The following CDC42BPA variants were observed in gnomAD, a reference collection of about 807,000 sequenced individuals.
The protein encoded by CDC42BPA is serine/threonine-protein kinase MRCK alpha.
CDC42BPA carries 80 observed loss-of-function variants against 223.5 expected under a neutral mutation model. The ratio of observed to expected loss-of-function variants is 0.36; its 90% CI spans 0.30 to 0.43. The LOEUF (loss-of-function observed/expected upper bound fraction) is 0.43, where lower values mean the gene tolerates loss of function less well. Ranked by LOEUF, CDC42BPA falls within the 20% of genes least tolerant of loss-of-function variation. The pLI, the probability that CDC42BPA is intolerant of heterozygous loss-of-function variation, is 1.00. For synonymous variants in CDC42BPA, 694 were observed against 718.6 expected, an observed-to-expected ratio of 0.97 and a Z score of 0.55; for missense variants, 1,743 against 2,099.9, an observed-to-expected ratio of 0.83 and a Z score of 3.32.
intron 23 of CDC42BPA, among the ~76,000 whole-genome samples, 198 bp from the exon 24 acceptor site, chr1:227,040,434 ATAAT>A (rs1194239338): frequency 6.6e-6 from 1 of 152,176 alleles, no homozygotes; most frequent in African/African-American, 2.4e-5. Flanking sequence ...CTAAGCTAAA[ATAAT>A]TAAGAAGTTA....
At position 227,022,225 on chromosome 1, in the gene CDC42BPA, A is replaced by AG. The variant is rs1370747900; in HGVS notation, c.4615+1037dup. Among the ~76,000 whole-genome samples, 28 of 152,240 alleles carry AG rather than the reference A, an allele frequency of 1.8e-4. No individual in the cohort carries two copies. The South Asian group carries it at 5.6e-3, about 30-fold the overall frequency. ...GGCAGGTGGATCATTTGAGGTCAGG[A>AG]GTTCAAGACCAGCCTGGCCAACATG... is the stretch of plus-strand genomic sequence containing the variant. On this transcript the variant is annotated intron_variant, in intron 32 of 36. Transcript: ENST00000366766.
intron 34 of CDC42BPA, among the ~76,000 whole-genome samples, chr1:227,006,049 T>A (rs1037212882): frequency 2.6e-5 from 4 of 152,232 alleles, no homozygotes; most frequent in African/African-American, 9.6e-5. Context: ...ATATTCTTTA[T>A]AAATCCTGGA....
chr1:227,170,734 C>T (rs1195901748), intron 5 of CDC42BPA, among the ~76,000 whole-genome samples: 1 of 152,164 alleles, frequency 6.6e-6, no homozygotes, highest in Non-Finnish European at 1.5e-5. Context: ...ATTCAGGTGA[C>T]CACAGACGCT....
intron 23 of CDC42BPA, among the ~76,000 whole-genome samples, chr1:227,043,192 A>C (rs1248285350): frequency 1.3e-5 from 2 of 152,154 alleles, no homozygotes; most frequent in African/African-American, 4.8e-5. Flanking sequence ...AGGAGGGCGG[A>C]TCACGAGGTC....
Position 227,112,784 on chromosome 1 carries a change from T to C in CDC42BPA, c.1777A>G (p.Lys593Glu). The C allele has an allele frequency of 1.2e-6, 2 of 1,614,072 alleles. No individual in the cohort carries two copies. The highest frequency in any genetic ancestry group is 1.7e-6 in the Non-Finnish European group (2 of 1,179,994). Residue 593 changes from lysine to glutamate, a missense_variant, in exon 13 of 37, where the codon AAA becomes GAA. Lys to Glu is a moderately conservative substitution (Grantham distance 56). Coordinates refer to ENST00000366766, the MANE Select transcript of CDC42BPA (RefSeq NM_001394014.1). ...CGGACATGGCGAGCAAGTTTCTGTT[T>C]TTGGGTGTGCAATTCTGTTAGCCGC... ...NERLTELHTQ[K>E]QKLARHVRDK...
chr1:227,055,534 T>C (rs538828139), intron 21 of CDC42BPA, among the ~76,000 whole-genome samples: 2 of 152,286 alleles, frequency 1.3e-5, no homozygotes, highest in East Asian at 1.9e-4. Context: ...TCTGATATAG[T>C]ATAGCAGCAA....
chr1:227,186,858 C>T (rs1348152549), intron 5 of CDC42BPA, among the ~76,000 whole-genome samples: 2 of 152,192 alleles, frequency 1.3e-5, no homozygotes, highest in East Asian at 3.8e-4. Flanking sequence ...TTACTGGCTA[C>T]CTGTCTCACC....
intron 25 of CDC42BPA, 52 bp from the exon 26 acceptor site, chr1:227,034,846 T>A: frequency 2.0e-6 from 3 of 1,494,376 alleles, no homozygotes; most frequent in Non-Finnish European, 1.8e-6. Flanking sequence ...AATGAAAATA[T>A]CCCTTAAATT....
At chr1:227,295,291 A>C (rs1489799025) in intron 1 of CDC42BPA, among the ~76,000 whole-genome samples, 1 of 152,004 alleles carries the variant, frequency 6.6e-6, no homozygotes, top group Non-Finnish European at 1.5e-5. Flanking sequence ...CTCCAGAGCA[A>C]CTGGGACTAT....
At chr1:227,065,335 T>C (rs995113084) in intron 21 of CDC42BPA, among the ~76,000 whole-genome samples, 13 of 152,176 alleles carry the variant, frequency 8.5e-5, no homozygotes, top group Non-Finnish European at 1.5e-4. Flanking sequence ...CAAAACTCTA[T>C]GATTCTACAT....
At chr1:227,080,429 G>T (rs1037007891) in intron 17 of CDC42BPA, among the ~76,000 whole-genome samples, 1 of 152,054 alleles carries the variant, frequency 6.6e-6, no homozygotes, top group African/African-American at 2.4e-5. Context: ...ACCATTTAAG[G>T]TTTTAAAAAT....
At chr1:226,998,065 T>C (rs963173936) in intron 35 of CDC42BPA, among the ~76,000 whole-genome samples, 1 of 151,998 alleles carries the variant, frequency 6.6e-6, no homozygotes, top group African/African-American at 2.4e-5. Context: ...CAGAATAAAA[T>C]ACCTAGGAAT....
chr1:226,994,265 A>G lies in CDC42BPA; in HGVS notation c.*3T>C. ...GAGCGAGAGGTCCCAGTGCTGAGGC[A>G]GCTCACGGGTCCCAGCTCCCGCGGT... is the stretch of plus-strand genomic sequence containing the variant. On this transcript the variant is annotated 3_prime_UTR_variant, in exon 37 of 37. Coordinates refer to ENST00000366766, the MANE Select transcript of CDC42BPA (RefSeq NM_001394014.1). The surrounding 1 kb of genome is among the most constrained non-coding windows in gnomAD (Gnocchi z 4.0). 2 of 1,573,926 alleles carry G rather than the reference A, an allele frequency of 1.3e-6. No individual in the cohort carries two copies. The highest frequency in any genetic ancestry group is 4.7e-5 in the East Asian group (2 of 42,864).
chr1:227,099,666 G>C (rs1684644260), intron 15 of CDC42BPA, among the ~76,000 whole-genome samples: 1 of 151,880 alleles, frequency 6.6e-6, no homozygotes, highest in Non-Finnish European at 1.5e-5. Flanking sequence ...AGCCACAATG[G>C]CCTCCTCACT....
At chr1:227,016,017 G>C (rs923492655) in intron 34 of CDC42BPA, 63 bp downstream of exon 34, 7 of 809,016 alleles carry the variant, frequency 8.7e-6, no homozygotes, top group Non-Finnish European at 1.3e-5. Context: ...ATGTATTTAA[G>C]CCTATGTATT....
At chr1:227,043,430 AT>A (rs1485070844) in intron 23 of CDC42BPA, among the ~76,000 whole-genome samples, 5 of 146,242 alleles carry the variant, frequency 3.4e-5, no homozygotes, top group Non-Finnish European at 6.1e-5. Flanking sequence ...AAAAAAAAAA[AT>A]TTAATTTTCT....
At chr1:227,298,613 A>C (rs1023018973) in intron 1 of CDC42BPA, among the ~76,000 whole-genome samples, 4 of 152,146 alleles carry the variant, frequency 2.6e-5, no homozygotes, top group African/African-American at 4.8e-5. Context: ...ATACTTCTCC[A>C]GCAAAAACAT....
intron 9 of CDC42BPA, 45 bp downstream of exon 9, chr1:227,142,900 G>T: frequency 7.5e-7 from 1 of 1,333,614 alleles, no homozygotes; most frequent in Non-Finnish European, 1.0e-6. Flanking sequence ...TTACAGGCGT[G>T]AGCCACTGCA....
chr1:227,232,327 C>T (rs1266480914), intron 2 of CDC42BPA, among the ~76,000 whole-genome samples: 2 of 152,060 alleles, frequency 1.3e-5, no homozygotes, highest in East Asian at 1.9e-4. Flanking sequence ...CTATTCTGTT[C>T]CATTAGTCTG....
Sources: allele counts gnomAD v4.1 joint callset (sites outside exome capture counted in the v4.1 genomes callset), GRCh38; gene constraint gnomAD v4.1.1; non-coding constraint Gnocchi (gnomAD v3.1); transcripts MANE v1.5; gene names NCBI Gene and HGNC (gene_info 2026-07-23, HGNC 2026-07-21).